The following CCDC60 variants were observed in gnomAD, a reference collection of about 807,000 sequenced individuals.
CCDC60 encodes the protein coiled-coil domain-containing protein 60.
Under a neutral mutation model 63.5 loss-of-function variants are expected in CCDC60, and 54 were observed. The observed-to-expected ratio is 0.85, with a 90% CI of 0.68 to 1.07. The LOEUF is 1.07. Among genes scored for constraint, CCDC60 ranks in the 50% least tolerant of loss-of-function variants. The pLI, the probability that CCDC60 is intolerant of heterozygous loss-of-function variation, is 0.00. For missense variants in CCDC60, 651 were observed against 684.3 expected (o/e 0.95, Z 0.54); for synonymous variants, 206 against 238.8 (o/e 0.86, Z 1.27).
In CCDC60 at chr12:119,352,727, A is replaced by G. The variant is rs550709676; in HGVS notation, c.90+17461A>G. Among the ~76,000 whole-genome samples the G allele has an allele frequency of 4.6e-5, 7 of 152,278 alleles. No homozygotes were observed. The East Asian group carries it at 9.7e-4, about 21-fold the overall frequency. The stretch of plus-strand genomic sequence containing the variant: ...CGAAACAGGTGGATCACTGAAGGTC[A>G]GGAATTCGAGACCAGCCTGGCCAAC... On this transcript the variant is annotated intron_variant, in intron 1 of 13. Transcript: ENST00000327554.
chr12:119,373,305 AAG>A (rs1379736467), intron 1 of CCDC60, among the ~76,000 whole-genome samples: 2 of 152,166 alleles, frequency 1.3e-5, no homozygotes, highest in Admixed American at 6.5e-5. Flanking sequence ...GGTGGTGCTT[AAG>A]AGAACACTGA....
At chr12:119,494,547 T>C (rs539434206) in intron 5 of CCDC60, among the ~76,000 whole-genome samples, 1 of 152,268 alleles carries the variant, frequency 6.6e-6, no homozygotes, top group African/African-American at 2.4e-5. Context: ...ATTCTTATAA[T>C]CCTGACTCTT....
At chr12:119,361,193 GGAGAC>G (rs1356499479) in intron 1 of CCDC60, among the ~76,000 whole-genome samples, 9 of 132,766 alleles carry the variant, frequency 6.8e-5, no homozygotes, top group African/African-American at 2.3e-4. Context: ...AGAGGGAGAG[GGAGAC>G]GAGAGGGAGA....
chr12:119,528,850 AT>A, intron 12 of CCDC60, 104 bp downstream of exon 12: 1 of 1,230,820 alleles, frequency 8.1e-7, no homozygotes. Flanking sequence ...ATAGAGAGGC[AT>A]TACTCCAAAA....
At chr12:119,393,571 G>A (rs748083475) in intron 1 of CCDC60, among the ~76,000 whole-genome samples, 16 of 152,202 alleles carry the variant, frequency 1.1e-4, no homozygotes, top group Non-Finnish European at 2.2e-4. Flanking sequence ...TGTAGCTGCA[G>A]TAAACAACTT....
chr12:119,370,904 C>T (rs1315396112), intron 1 of CCDC60, among the ~76,000 whole-genome samples: 3 of 152,050 alleles, frequency 2.0e-5, no homozygotes, highest in African/African-American at 4.8e-5. Flanking sequence ...TAGTGGCACA[C>T]CCCTGTAGTC....
intron 2 of CCDC60, among the ~76,000 whole-genome samples, chr12:119,431,904 C>T (rs1950236322): frequency 6.6e-6 from 1 of 152,136 alleles, no homozygotes; most frequent in Admixed American, 6.5e-5. Context: ...TGATCTCGAT[C>T]TCCTGACCTG....
intron 1 of CCDC60, among the ~76,000 whole-genome samples, chr12:119,404,610 G>A (rs1956453103): frequency 6.6e-6 from 1 of 152,210 alleles, no homozygotes; most frequent in South Asian, 2.1e-4. Flanking sequence ...AGAGCAAGGA[G>A]CAAGGCACCA....
At chr12:119,367,362 T>A (rs1955851292) in intron 1 of CCDC60, among the ~76,000 whole-genome samples, 1 of 152,200 alleles carries the variant, frequency 6.6e-6, no homozygotes, top group Non-Finnish European at 1.5e-5. Context: ...CCCTCGAGTC[T>A]CCTTTTCTTG....
intron 1 of CCDC60, among the ~76,000 whole-genome samples, chr12:119,398,474 AGAG>A (rs1280007302): frequency 6.6e-6 from 1 of 152,156 alleles, no homozygotes; most frequent in East Asian, 1.9e-4. Flanking sequence ...GCCAGCCCTG[AGAG>A]GGGCTCCCAC....
chr12:119,366,662 G>A (rs1955843472), intron 1 of CCDC60, among the ~76,000 whole-genome samples: 1 of 152,202 alleles, frequency 6.6e-6, no homozygotes, highest in East Asian at 1.9e-4. Context: ...GCATGTGCCT[G>A]TTCTCCTGAT....
At chr12:119,528,570 G>A in intron 11 of CCDC60, 45 bp from the exon 12 acceptor site, 1 of 1,589,770 alleles carries the variant, frequency 6.3e-7, no homozygotes, top group Non-Finnish European at 8.6e-7. Context: ...GGTTACAGGA[G>A]GAGGGGATCT....
Position 119,456,032 on chromosome 12 carries a change from AAAG to A in CCDC60, c.171-15959_171-15957del, listed in dbSNP as rs1950735508. On this transcript the variant is annotated intron_variant, in intron 2 of 13. Transcript: ENST00000327554. This position sits in a 1 kb window ranked among gnomAD's most constrained non-coding sequence, Gnocchi z 4.6. ...GAAAGAAAGAAAGAAAGAAAGAAAG[AAAG>A]AAAGAAAGAAAGAAAGAAAGAAAGA... Among the ~76,000 whole-genome samples, 6 of 141,742 alleles carry A rather than the reference AAAG, an allele frequency of 4.2e-5. 2 individuals carry two copies. In the South Asian group the frequency reaches 1.5e-3, roughly 36 times the overall value. 93.0% of individuals were successfully genotyped at this position (141,742 alleles called of 152,430 possible). A position where few individuals can be genotyped will look rare whatever the true frequency, so the allele number is the denominator to read the frequency against.
chr12:119,435,059 T>C (rs1186524450), intron 2 of CCDC60, among the ~76,000 whole-genome samples: 1 of 152,076 alleles, frequency 6.6e-6, no homozygotes, highest in Non-Finnish European at 1.5e-5. Flanking sequence ...CAGGATTCCT[T>C]TGGAGGTAGA....
At chr12:119,522,621 T>G (rs1952559148) in intron 9 of CCDC60, among the ~76,000 whole-genome samples, 1 of 152,084 alleles carries the variant, frequency 6.6e-6, no homozygotes, top group African/African-American at 2.4e-5. Context: ...AAAGACGTAA[T>G]CCCGACAATA....
chr12:119,365,218 C>G (rs1323104727), intron 1 of CCDC60, among the ~76,000 whole-genome samples: 1 of 152,156 alleles, frequency 6.6e-6, no homozygotes, highest in African/African-American at 2.4e-5. Flanking sequence ...CATGCTTCCT[C>G]CCTGTCCTGA....
chr12:119,364,020 G>A (rs1050189316), intron 1 of CCDC60, among the ~76,000 whole-genome samples: 2 of 152,060 alleles, frequency 1.3e-5, no homozygotes, highest in African/African-American at 2.4e-5. Context: ...CAGTGCCTTC[G>A]AAAATACGAT....
intron 4 of CCDC60, chr12:119,479,447 T>C: frequency 2.1e-6 from 1 of 471,646 alleles, no homozygotes; most frequent in Non-Finnish European, 3.9e-6. Flanking sequence ...GACGCTCTAA[T>C]GTCAAATAGT....
intron 1 of CCDC60, among the ~76,000 whole-genome samples, chr12:119,384,315 G>A (rs1956038829): frequency 1.3e-5 from 2 of 152,208 alleles, no homozygotes; most frequent in African/African-American, 4.8e-5. Flanking sequence ...TAGGGGTTTG[G>A]CATCTGCTTC....
Sources: gnomAD v4.1 joint callset for allele counts (sites outside exome capture counted in the v4.1 genomes callset) on GRCh38, gnomAD v4.1.1 for gene constraint, Gnocchi (gnomAD v3.1) non-coding constraint, MANE v1.5 for transcripts, NCBI Gene and HGNC (gene_info 2026-07-23, HGNC 2026-07-21) for gene names.